The following ARHGEF12 variants were observed in gnomAD, a reference collection of about 807,000 sequenced individuals.
The protein encoded by ARHGEF12 is Rho guanine nucleotide exchange factor 12.
In ARHGEF12, 66 loss-of-function variants were observed where a neutral mutation model predicts 211.2. The observed-to-expected ratio is 0.31, with a 90% CI of 0.26 to 0.38. The LOEUF (loss-of-function observed/expected upper bound fraction) is 0.38, where lower values mean the gene tolerates loss of function less well. ARHGEF12 is among the 10% of genes least tolerant of loss of function. The probability of loss-of-function intolerance (pLI) is 1.00; values close to 1 mark genes in which losing one functional copy is unlikely to be tolerated. For missense variants in ARHGEF12, 1,429 were observed against 1,869.5 expected (o/e 0.76, Z 4.34); for synonymous variants, 592 against 638.4 (o/e 0.93, Z 1.09).
Position 120,467,268 on chromosome 11 carries a change from T to C in ARHGEF12, c.2814T>C (p.Thr938=). ...TTCCCACTCAAATGCAAAGGCTTAC[T>C]AAGTACCCACTTCTGTTGGATAATA... The part of the protein sequence containing the change: ...DIIPTQMQRL[T]KYPLLLDNIA... The change falls in exon 29 of 41, where the codon ACT becomes ACC. Residue 938 remains threonine (T), a synonymous_variant. Coordinates refer to ENST00000397843, the MANE Select transcript of ARHGEF12 (RefSeq NM_015313.3). 1 of 1,613,590 alleles carries C rather than the reference T, an allele frequency of 6.2e-7. No homozygotes were observed. The highest frequency in any genetic ancestry group is 8.5e-7 in the Non-Finnish European group (1 of 1,179,678).
chr11:120,377,422 G>T (rs111434569), intron 1 of ARHGEF12, among the ~76,000 whole-genome samples: 86 of 151,930 alleles, frequency 5.7e-4, no homozygotes, highest in African/African-American at 2.0e-3. Context: ...TTCACTTCAG[G>T]CTTAATATCC....
At chr11:120,389,882 T>C (rs948761840) in intron 1 of ARHGEF12, among the ~76,000 whole-genome samples, 1 of 152,200 alleles carries the variant, frequency 6.6e-6, no homozygotes, top group Non-Finnish European at 1.5e-5. Context: ...GGCTAAATAG[T>C]ACTCCATTGT....
intron 6 of ARHGEF12, among the ~76,000 whole-genome samples, chr11:120,423,017 A>G (rs1180788703): frequency 6.6e-6 from 1 of 152,240 alleles, no homozygotes; most frequent in Admixed American, 6.5e-5. Context: ...GAAACGTATC[A>G]CAGACCAGAT....
intron 13 of ARHGEF12, 43 bp downstream of exon 13, chr11:120,440,264 G>T: frequency 6.7e-7 from 1 of 1,495,730 alleles, no homozygotes; most frequent in Non-Finnish European, 9.3e-7. Context: ...GTTACTTTCT[G>T]CAATATCTGA....
intron 21 of ARHGEF12, chr11:120,450,086 T>C (rs891906837): frequency 2.6e-5 from 4 of 152,244 alleles, no homozygotes; most frequent in African/African-American, 9.6e-5. Flanking sequence ...TTGAAAATAC[T>C]GAAGCCAGGT....
chr11:120,467,929 AC>A (rs1946756923), intron 29 of ARHGEF12, among the ~76,000 whole-genome samples: 1 of 152,158 alleles, frequency 6.6e-6, no homozygotes, highest in Non-Finnish European at 1.5e-5. Flanking sequence ...GATTGCTTTT[AC>A]ATTATAACAG....
intron 6 of ARHGEF12, among the ~76,000 whole-genome samples, chr11:120,422,696 G>A (rs1181675054): frequency 1.3e-5 from 2 of 152,154 alleles, no homozygotes; most frequent in African/African-American, 4.8e-5. Context: ...TATGCAAATA[G>A]AATTGTAGTG....
intron 1 of ARHGEF12, among the ~76,000 whole-genome samples, chr11:120,402,196 T>G (rs952580808): frequency 6.6e-5 from 10 of 152,214 alleles, no homozygotes; most frequent in Non-Finnish European, 1.0e-4. Context: ...CCTTGAAATT[T>G]TAGGGAATTT....
At chr11:120,367,241 G>C (rs575373322) in intron 1 of ARHGEF12, among the ~76,000 whole-genome samples, 1 of 149,330 alleles carries the variant, frequency 6.7e-6, no homozygotes, top group Admixed American at 6.7e-5. Context: ...TTTTCTTATA[G>C]TTTTGGGAGA....
intron 1 of ARHGEF12, among the ~76,000 whole-genome samples, chr11:120,395,384 A>G (rs1944350851): frequency 6.6e-6 from 1 of 152,206 alleles, no homozygotes; most frequent in Non-Finnish European, 1.5e-5. Context: ...GAGCTAAGCA[A>G]GAGAGAAGAC....
At chr11:120,484,900 C>T (rs976258894) in intron 40 of ARHGEF12, among the ~76,000 whole-genome samples, 167 bp from the exon 41 acceptor site, 2 of 152,192 alleles carry the variant, frequency 1.3e-5, no homozygotes, top group African/African-American at 4.8e-5. Context: ...GGTGTCTCCC[C>T]TGACTGCAGA....
intron 2 of ARHGEF12, among the ~76,000 whole-genome samples, 163 bp from the exon 3 acceptor site, chr11:120,407,575 A>G (rs1944746749): frequency 6.6e-6 from 1 of 152,352 alleles, no homozygotes; most frequent in East Asian, 1.9e-4. Context: ...TAGACTGTGT[A>G]TAACCAAAAC....
At chr11:120,477,396 TTA>T in intron 35 of ARHGEF12, 49 bp from the exon 36 acceptor site, 1 of 1,596,502 alleles carries the variant, frequency 6.3e-7, no homozygotes, top group South Asian at 1.1e-5. Flanking sequence ...GCGATGATGT[TTA>T]GATACCTCAG....
chr11:120,477,084 G>T (rs1346945964), intron 34 of ARHGEF12, 135 bp from the exon 35 acceptor site: 14 of 245,806 alleles, frequency 5.7e-5, no homozygotes, highest in African/African-American at 2.3e-4. Context: ...AGTGGGTTTT[G>T]TTGTTGTTGT....
intron 19 of ARHGEF12, 87 bp downstream of exon 19, chr11:120,447,993 C>A: frequency 4.6e-6 from 5 of 1,080,824 alleles, no homozygotes; most frequent in Non-Finnish European, 6.6e-6. Context: ...CAATTTATTT[C>A]TTTTAACTTA....
intron 2 of ARHGEF12, among the ~76,000 whole-genome samples, chr11:120,407,027 A>G (rs1253110551): frequency 6.6e-6 from 1 of 152,198 alleles, no homozygotes; most frequent in African/African-American, 2.4e-5. Flanking sequence ...ATTATTTAAA[A>G]TGTAGGTAGT....
At chr11:120,479,605 A>G (rs1947168362) in intron 37 of ARHGEF12, among the ~76,000 whole-genome samples, 1 of 152,198 alleles carries the variant, frequency 6.6e-6, no homozygotes, top group South Asian at 2.1e-4. Context: ...ATTCTTAAGA[A>G]GTACCTTTAG....
At chr11:120,449,018 T>C in intron 20 of ARHGEF12, 91 bp from the exon 21 acceptor site, 1 of 1,076,884 alleles carries the variant, frequency 9.3e-7, no homozygotes, top group Non-Finnish European at 1.4e-6. Flanking sequence ...CTTAACAATT[T>C]CTTTGAACTA....
chr11:120,372,787 C>T (rs1223465327), intron 1 of ARHGEF12, among the ~76,000 whole-genome samples: 1 of 152,046 alleles, frequency 6.6e-6, no homozygotes, highest in Non-Finnish European at 1.5e-5. Context: ...AGCTTCTCTA[C>T]CTTAGCTTTT....
Sources: allele counts gnomAD v4.1 joint callset (sites outside exome capture counted in the v4.1 genomes callset), GRCh38; gene constraint gnomAD v4.1.1; transcripts MANE v1.5; gene names NCBI Gene and HGNC (gene_info 2026-07-23, HGNC 2026-07-21).